SLC6A5: variants seen among roughly 807,000 people sequenced by gnomAD.
The protein encoded by SLC6A5 is sodium- and chloride-dependent glycine transporter 2.
Under a neutral mutation model 90.5 loss-of-function variants are expected in SLC6A5, and 58 were observed. That is an observed-to-expected ratio of 0.64 (90% CI 0.52 to 0.80). The LOEUF (loss-of-function observed/expected upper bound fraction) is 0.80, where lower values mean the gene tolerates loss of function less well. Ranked by LOEUF, SLC6A5 falls within the 30% of genes least tolerant of loss-of-function variation. SLC6A5 has a pLI of 0.00. For synonymous variants in SLC6A5, 427 were observed against 401.4 expected, an observed-to-expected ratio of 1.06 and a Z score of -0.76; for missense variants, 1,015 against 1,017.6, an observed-to-expected ratio of 1.00 and a Z score of 0.03.
intron 7 of SLC6A5, among the ~76,000 whole-genome samples, chr11:20,621,155 G>T (rs893336115): frequency 6.6e-6 from 1 of 150,440 alleles, no homozygotes; most frequent in African/African-American, 2.5e-5. Context: ...GAGTTATTAA[G>T]AATAGATAGT....
intron 5 of SLC6A5, among the ~76,000 whole-genome samples, chr11:20,614,099 G>A (rs1045602552): frequency 1.3e-5 from 2 of 152,188 alleles, no homozygotes; most frequent in Non-Finnish European, 2.9e-5. Flanking sequence ...TACACAGCAC[G>A]TGTATCCTAG....
chr11:20,656,335 TA>T lies in SLC6A5; in HGVS notation c.*1469del, dbSNP rs1212133510. On this transcript the variant is annotated 3_prime_UTR_variant, in exon 16 of 16. Coordinates refer to ENST00000525748, the MANE Select transcript of SLC6A5 (RefSeq NM_004211.5). ...GGGATTTTATTTTCCCTTACAGTAA[TA>T]ATATCTAAACCTAAAATTGTTTCCT... 1 of 152,206 alleles carries T rather than the reference TA, an allele frequency of 6.6e-6. No homozygotes were observed. Among genetic ancestry groups the T allele is most frequent in the East Asian group, 1.9e-4 (1 of 5,196 alleles). 9.4% of individuals were successfully genotyped at this position (152,206 alleles called of 1,614,324 possible).
Position 20,607,516 on chromosome 11 carries a change from A to C in SLC6A5, c.849A>C (p.Ile283=), listed in dbSNP as rs767519042. ...GIAMLIISVL[I]AIYYNVIICY... ...CGATGCTGATCATCTCTGTCCTAAT[A>C]GCCATATACTACAATGTGATTATTT... The change falls in exon 5 of 16, where the codon ATA becomes ATC. Residue 283 remains isoleucine, a synonymous_variant. Transcript: ENST00000525748. 1.9e-6 allele frequency: 3 copies of C among 1,614,188 alleles called. No homozygotes were observed. The highest frequency in any genetic ancestry group is 2.5e-6 in the Non-Finnish European group (3 of 1,180,030).
chr11:20,638,547 C>T lies in SLC6A5; in HGVS notation c.1958C>T (p.Ser653Phe), dbSNP rs1250045669. 15 of 1,601,210 alleles carry T rather than the reference C, an allele frequency of 9.4e-6. No individual in the cohort carries two copies. The highest frequency in any genetic ancestry group is 1.7e-5 in the Admixed American group (1 of 59,976). Residue 653 changes from serine to phenylalanine, a missense_variant, in exon 13 of 16, where the codon TCT (serine) becomes TTT (phenylalanine). Ser to Phe is a radical substitution (Grantham distance 155). Coordinates refer to ENST00000525748, the MANE Select transcript of SLC6A5 (RefSeq NM_004211.5). ...IIAIFELVGI[S>F]YVYGLQRFCE... ...GCCATTTTTGAGCTCGTGGGGATCTCTTATGTGTATGGTAAGGAAATCACT... is the reference window on the plus strand; with the variant it reads ...GCCATTTTTGAGCTCGTGGGGATCTTTTATGTGTATGGTAAGGAAATCACT...
rs143967107 is a variant in SLC6A5 at position 20,638,537 on chromosome 11, G to A, written c.1948G>A (p.Val650Met). The change falls in exon 13 of 16, where the codon GTG becomes ATG. Residue 650 changes from valine to methionine, a missense_variant. Physicochemically the swap from Val to Met is conservative, Grantham distance 21. Coordinates refer to ENST00000525748, the MANE Select transcript of SLC6A5 (RefSeq NM_004211.5). ...TGTCATCATTGCCATTTTTGAGCTCGTGGGGATCTCTTATGTGTATGGTAA... is the reference window on the plus strand; with the variant it reads ...TGTCATCATTGCCATTTTTGAGCTCATGGGGATCTCTTATGTGTATGGTAA... ...ALVIIAIFEL[V>M]GISYVYGLQR... The A allele has an allele frequency of 3.7e-5, 59 of 1,609,432 alleles. No homozygotes were observed. The highest frequency in any genetic ancestry group is 2.1e-4 in the South Asian group (19 of 90,992).
chr11:20,639,319 T>A (rs1489539908), intron 13 of SLC6A5, among the ~76,000 whole-genome samples: 1 of 152,134 alleles, frequency 6.6e-6, no homozygotes. Flanking sequence ...TGCTCAGAAC[T>A]GTCCTGAGGC....
At chr11:20,632,934 A>T (rs1259040299) in intron 10 of SLC6A5, among the ~76,000 whole-genome samples, 1 of 152,160 alleles carries the variant, frequency 6.6e-6, no homozygotes, top group African/African-American at 2.4e-5. Context: ...AGGCATTTCT[A>T]CCAAAATGAT....
chr11:20,607,971 A>G (rs1317333685), intron 5 of SLC6A5, among the ~76,000 whole-genome samples: 1 of 152,202 alleles, frequency 6.6e-6, no homozygotes, highest in African/African-American at 2.4e-5. Context: ...AAGTCGTTGT[A>G]GAATTTTATT....
At chr11:20,639,366 T>C (rs1009871366) in intron 13 of SLC6A5, among the ~76,000 whole-genome samples, 2 of 152,078 alleles carry the variant, frequency 1.3e-5, no homozygotes, top group Non-Finnish European at 2.9e-5. Flanking sequence ...ATAGCAAATA[T>C]CAGGAAGGCG....
chr11:20,606,708 G>A (rs1193634546), intron 3 of SLC6A5, among the ~76,000 whole-genome samples: 1 of 152,066 alleles, frequency 6.6e-6, no homozygotes, highest in Non-Finnish European at 1.5e-5. Context: ...AAACTGAAGT[G>A]CTATAATAAA....
chr11:20,635,283 A>C (rs1853183672), intron 10 of SLC6A5, among the ~76,000 whole-genome samples: 1 of 152,222 alleles, frequency 6.6e-6, no homozygotes, highest in African/African-American at 2.4e-5. Context: ...TGAGGCTTAC[A>C]GAAATTAAAT....
intron 13 of SLC6A5, among the ~76,000 whole-genome samples, chr11:20,641,790 C>T (rs1028098857): frequency 6.6e-6 from 1 of 151,978 alleles, no homozygotes. Flanking sequence ...GGATAATGTC[C>T]TATAGTCATG....
At chr11:20,649,205 A>G (rs972320734) in intron 14 of SLC6A5, among the ~76,000 whole-genome samples, 1 of 152,226 alleles carries the variant, frequency 6.6e-6, no homozygotes, top group Non-Finnish European at 1.5e-5. Flanking sequence ...AGTTTCTAAT[A>G]TAAATCTTAT....
Position 20,604,345 on chromosome 11 carries a change from C to T in SLC6A5, c.600C>T (p.Phe200=). Residue 200 remains phenylalanine (F), a synonymous_variant, in exon 3 of 16, where the codon TTC becomes TTT. Transcript: ENST00000525748. ...GGAACTGGTCCAGCAAACTGGACTTCATCCTGTCCATGGTGGGGTACGCAG... is the reference window on the plus strand; with the variant it reads ...GGAACTGGTCCAGCAAACTGGACTTTATCCTGTCCATGGTGGGGTACGCAG... ...ARGNWSSKLD[F]ILSMVGYAVG... is the part of the protein sequence containing the mutation. The T allele has an allele frequency of 2.5e-6, 4 of 1,614,084 alleles. No individual in the cohort carries two copies. The highest frequency in any genetic ancestry group is 3.4e-6 in the Non-Finnish European group (4 of 1,179,952).
At chr11:20,645,917 G>T (rs1036425817) in intron 13 of SLC6A5, among the ~76,000 whole-genome samples, 1 of 152,150 alleles carries the variant, frequency 6.6e-6, no homozygotes, top group Non-Finnish European at 1.5e-5. Context: ...TTACAGGCAT[G>T]AGCCACCACG....
At position 20,607,520 on chromosome 11, in the gene SLC6A5, A is replaced by G. The variant is rs2133775414; in HGVS notation, c.853A>G (p.Ile285Val). The change falls in exon 5 of 16, where the codon ATA becomes GTA. Residue 285 changes from isoleucine (I) to valine (V), a missense_variant. Transcript: ENST00000525748. The part of the protein sequence containing the change: ...AMLIISVLIA[I>V]YYNVIICYTL... ...GCTGATCATCTCTGTCCTAATAGCC[A>G]TATACTACAATGTGATTATTTGCTA... The G allele has an allele frequency of 1.2e-6, 2 of 1,614,214 alleles. No individual in the cohort carries two copies. Among genetic ancestry groups the G allele is most frequent in the Non-Finnish European group, 1.7e-6 (2 of 1,180,028 alleles).
In SLC6A5 at chr11:20,599,625, A is replaced by G. The variant is rs770104763; in HGVS notation, c.-48A>G. ...GCCTGAGCCAAACCCAGTCTTGTCA[A>G]TAGCGGGTTTCACCCTCCACCAGTT... On this transcript the variant is annotated 5_prime_UTR_variant, in exon 1 of 16. Transcript: ENST00000525748. 9 of 1,613,786 alleles carry G rather than the reference A, an allele frequency of 5.6e-6. No individual in the cohort carries two copies. Among genetic ancestry groups the G allele is most frequent in the Non-Finnish European group, 6.8e-6 (8 of 1,179,632 alleles).
chr11:20,620,123 T>C (rs1852861997), intron 7 of SLC6A5, among the ~76,000 whole-genome samples: 1 of 152,156 alleles, frequency 6.6e-6, no homozygotes, highest in African/African-American at 2.4e-5. Flanking sequence ...CTGTCACTTA[T>C]GGCTAGAAAT....
At chr11:20,631,428 A>G (rs557639351) in intron 10 of SLC6A5, among the ~76,000 whole-genome samples, 2 of 152,302 alleles carry the variant, frequency 1.3e-5, no homozygotes, top group Non-Finnish European at 2.9e-5. Flanking sequence ...TACCCAAATG[A>G]TCTTTTTATT....
Sources: gnomAD v4.1 joint callset for allele counts (sites outside exome capture counted in the v4.1 genomes callset) on GRCh38, gnomAD v4.1.1 for gene constraint, MANE v1.5 for transcripts, NCBI Gene and HGNC (gene_info 2026-07-23, HGNC 2026-07-21) for gene names.